Variants in LRMDA observed in about 807,000 individuals in gnomAD.
LRMDA encodes leucine-rich melanocyte differentiation-associated protein.
LRMDA carries 18 observed loss-of-function variants against 29.8 expected under a neutral mutation model. The ratio of observed to expected loss-of-function variants is 0.60; its 90% confidence interval spans 0.42 to 0.90. The LOEUF is 0.90. LRMDA is among the 40% of genes least tolerant of loss of function. The pLI is 0.00. For missense variants in LRMDA, 273 were observed against 273.9 expected (o/e 1.00, Z 0.02); for synonymous variants, 125 against 109.4 (o/e 1.14, Z -0.89).
chr10:75,733,265 T>C (rs1842721013), intron 2 of LRMDA, among the ~76,000 whole-genome samples: 1 of 152,240 alleles, frequency 6.6e-6, no homozygotes, highest in Non-Finnish European at 1.5e-5. Flanking sequence ...CTCTGCATCA[T>C]TGGTGGCTCC....
intron 5 of LRMDA, among the ~76,000 whole-genome samples, chr10:76,228,179 G>T (rs140672823): frequency 2.6e-5 from 4 of 151,944 alleles, no homozygotes; most frequent in Non-Finnish European, 5.9e-5. Flanking sequence ...ACGCCACCAC[G>T]CCCAGCTAAT....
At chr10:75,449,924 G>A (rs1241747530) in intron 2 of LRMDA, among the ~76,000 whole-genome samples, 1 of 152,046 alleles carries the variant, frequency 6.6e-6, no homozygotes, top group Non-Finnish European at 1.5e-5. Flanking sequence ...GAGGTGCGTG[G>A]GGGTGTGTGT....
At position 76,169,386 on chromosome 10, in the gene LRMDA, C is replaced by T. The variant is rs543476498; in HGVS notation, c.516+110603C>T. Among the ~76,000 whole-genome samples the T allele has an allele frequency of 4.5e-4, 69 of 152,248 alleles. 1 individual carries two copies. Among genetic ancestry groups the T allele is most frequent in the African/African-American group, 1.6e-3 (67 of 41,542 alleles). ...TTGGGAGCCCCTGAAATATTCTTTC[C>T]CTCACAGATGGCAGTGCCTTTTCCT... is the stretch of plus-strand genomic sequence containing the variant. On this transcript the variant is annotated intron_variant, in intron 5 of 6. Transcript: ENST00000611255.
intron 6 of LRMDA, among the ~76,000 whole-genome samples, chr10:76,527,059 A>G (rs1225926170): frequency 1.3e-5 from 2 of 148,956 alleles, no homozygotes; most frequent in South Asian, 2.1e-4. Flanking sequence ...CAAAAAAAAA[A>G]AAAAAAAAAG....
intron 5 of LRMDA, among the ~76,000 whole-genome samples, chr10:76,144,617 A>G (rs1369807590): frequency 1.3e-5 from 2 of 152,230 alleles, no homozygotes; most frequent in African/African-American, 2.4e-5. Context: ...TTTTCTAGAT[A>G]CACAATCATG....
intron 2 of LRMDA, among the ~76,000 whole-genome samples, chr10:75,459,051 T>C (rs1317399016): frequency 1.3e-5 from 2 of 152,122 alleles, no homozygotes; most frequent in East Asian, 1.9e-4. Context: ...CAGAAGATGA[T>C]TGTAAAAATC....
At chr10:76,507,334 A>T (rs952697420) in intron 6 of LRMDA, among the ~76,000 whole-genome samples, 3 of 148,400 alleles carry the variant, frequency 2.0e-5, no homozygotes, top group Admixed American at 1.3e-4. Flanking sequence ...TTCCTTATGT[A>T]TTTTGGTTGT....
At chr10:76,434,357 C>G (rs1471944813) in intron 6 of LRMDA, among the ~76,000 whole-genome samples, 1 of 151,566 alleles carries the variant, frequency 6.6e-6, no homozygotes, top group Non-Finnish European at 1.5e-5. Context: ...TTCTTCCTTT[C>G]TCTCCCCTCC....
chr10:75,501,593 C>T (rs568113658), intron 2 of LRMDA, among the ~76,000 whole-genome samples: 157 of 152,196 alleles, frequency 1.0e-3, no homozygotes, highest in Non-Finnish European at 1.9e-3. Flanking sequence ...AATTTTTATC[C>T]TAATTTTGAT....
intron 4 of LRMDA, among the ~76,000 whole-genome samples, chr10:76,051,117 G>C (rs551577069): frequency 1.3e-5 from 2 of 152,360 alleles, no homozygotes; most frequent in South Asian, 2.1e-4. Flanking sequence ...CAAAGGGAAG[G>C]AGGGAGGGAC....
At chr10:76,104,792 C>G (rs1027810859) in intron 5 of LRMDA, among the ~76,000 whole-genome samples, 1 of 152,104 alleles carries the variant, frequency 6.6e-6, no homozygotes, top group African/African-American at 2.4e-5. Flanking sequence ...GGCTCACCCC[C>G]CATATGGAAC....
intron 2 of LRMDA, among the ~76,000 whole-genome samples, chr10:75,604,098 C>T (rs1840923192): frequency 6.6e-6 from 1 of 152,094 alleles, no homozygotes; most frequent in Non-Finnish European, 1.5e-5. Flanking sequence ...TGGATTGTGA[C>T]CCCCCAATGT....
At chr10:75,782,702 C>G in intron 2 of LRMDA, 1 of 1,253,556 alleles carries the variant, frequency 8.0e-7, no homozygotes, top group South Asian at 2.0e-5. Context: ...CAACATAAAG[C>G]CAGGCACTTG....
At chr10:75,637,182 G>A (rs1487263016) in intron 2 of LRMDA, among the ~76,000 whole-genome samples, 1 of 152,190 alleles carries the variant, frequency 6.6e-6, no homozygotes, top group East Asian at 1.9e-4. Context: ...CTCTTTTGGT[G>A]TTGGGTCATG....
intron 2 of LRMDA, among the ~76,000 whole-genome samples, chr10:75,911,744 A>G (rs1478471604): frequency 6.6e-6 from 1 of 152,184 alleles, no homozygotes; most frequent in Non-Finnish European, 1.5e-5. Flanking sequence ...GATAGAAAAT[A>G]AAATGTAGCC....
intron 5 of LRMDA, among the ~76,000 whole-genome samples, chr10:76,115,954 A>G (rs966631546): frequency 6.6e-6 from 1 of 152,198 alleles, no homozygotes; most frequent in Non-Finnish European, 1.5e-5. Flanking sequence ...ACAAAACTGC[A>G]GATGTTTCCC....
chr10:75,983,217 T>C (rs1178818608), intron 2 of LRMDA, among the ~76,000 whole-genome samples: 1 of 152,194 alleles, frequency 6.6e-6, no homozygotes, highest in Non-Finnish European at 1.5e-5. Flanking sequence ...AAGCACTTAG[T>C]TGTTCAGTAG....
chr10:76,315,169 A>G (rs1042051505), intron 5 of LRMDA, among the ~76,000 whole-genome samples: 7 of 152,182 alleles, frequency 4.6e-5, no homozygotes, highest in Admixed American at 2.6e-4. Context: ...TGCCTTACCT[A>G]TAAAGTGGTA....
intron 2 of LRMDA, among the ~76,000 whole-genome samples, chr10:75,588,728 C>T (rs1840685397): frequency 6.6e-6 from 1 of 152,138 alleles, no homozygotes; most frequent in Non-Finnish European, 1.5e-5. Context: ...TCCCTATCTT[C>T]CCTGTTTCCA....
Sources: gnomAD v4.1 joint callset for allele counts (sites outside exome capture counted in the v4.1 genomes callset) on GRCh38, gnomAD v4.1.1 for gene constraint, MANE v1.5 for transcripts, NCBI Gene and HGNC (gene_info 2026-07-23, HGNC 2026-07-21) for gene names.